TBC1D5: variants seen among roughly 807,000 people sequenced by gnomAD.
The protein encoded by TBC1D5 is TBC1 domain family member 5.
A neutral mutation model predicts 100.3 loss-of-function variants in TBC1D5; 75 were observed. That is an observed-to-expected ratio of 0.75 (90% CI 0.62 to 0.91). The LOEUF (loss-of-function observed/expected upper bound fraction) is 0.91, where lower values mean the gene tolerates loss of function less well. TBC1D5 is among the 40% of genes least tolerant of loss of function. The probability of loss-of-function intolerance (pLI) is 0.00; values close to 1 mark genes in which losing one functional copy is unlikely to be tolerated. For missense variants in TBC1D5, 910 were observed against 942.4 expected (o/e 0.97, Z 0.45); for synonymous variants, 323 against 325.6 (o/e 0.99, Z 0.09).
chr3:17,622,344 T>C (rs992598768), intron 2 of TBC1D5, among the ~76,000 whole-genome samples: 5 of 152,172 alleles, frequency 3.3e-5, no homozygotes, highest in African/African-American at 1.2e-4. Flanking sequence ...ACCCCTGTTC[T>C]AAATGACTTC....
In TBC1D5 at chr3:17,350,392, C is replaced by G. The variant is rs573284582; in HGVS notation, c.995+21683G>C. 6.6e-5 allele frequency among the ~76,000 whole-genome samples: 10 copies of G among 152,300 alleles called. No individual in the cohort carries two copies. In the South Asian group the frequency reaches 2.1e-3, roughly 32 times the overall value. Reference sequence around the variant, plus strand: ...AAACATCAATCCCAAACAGCAGTCACCTCACCTAACAGCTTGAGCCAGAGT... The same window carrying G: ...AAACATCAATCCCAAACAGCAGTCAGCTCACCTAACAGCTTGAGCCAGAGT... On this transcript the variant is annotated intron_variant, in intron 13 of 21. Coordinates refer to ENST00000253692, the Ensembl canonical transcript of TBC1D5.
rs145526760 is a variant in TBC1D5, at chr3:17,201,341, G to A, written c.1752+12866C>T. On this transcript the variant is annotated intron_variant, in intron 18 of 21. Transcript: ENST00000253692. ...AGCGTGAGCTCGGTTTTAAGACCCT[G>A]GGTTGTCTCTTTCTCCCATGCTTCA... 4.5e-3 allele frequency among the ~76,000 whole-genome samples: 692 copies of A among 152,310 alleles called. 7 individuals are homozygous for A. Among genetic ancestry groups the A allele is most frequent in the African/African-American group, 0.016 (652 of 41,560 alleles).
intron 16 of TBC1D5, among the ~76,000 whole-genome samples, chr3:17,250,439 A>C (rs1246295756): frequency 1.3e-5 from 2 of 152,228 alleles, no homozygotes; most frequent in African/African-American, 4.8e-5. Flanking sequence ...AAGCATTTTC[A>C]ATGGCCTGTA....
At chr3:17,672,812 A>C (rs1018711006) in intron 1 of TBC1D5, 2 of 152,262 alleles carry the variant, frequency 1.3e-5, no homozygotes, top group Admixed American at 6.5e-5. Context: ...ATACAATGCT[A>C]TAAGAATTGA....
chr3:17,709,912 G>C (rs2074551915), intron 1 of TBC1D5, among the ~76,000 whole-genome samples: 1 of 152,048 alleles, frequency 6.6e-6, no homozygotes, highest in African/African-American at 2.4e-5. Context: ...CCTCTCACCT[G>C]CGGCACTACA....
intron 3 of TBC1D5, among the ~76,000 whole-genome samples, chr3:17,491,226 T>C (rs2095636000): frequency 6.6e-6 from 1 of 152,218 alleles, no homozygotes; most frequent in Non-Finnish European, 1.5e-5. Flanking sequence ...TGATGGGGTT[T>C]TCTAGATATA....
At chr3:17,702,636 T>C (rs1407871578) in intron 1 of TBC1D5, among the ~76,000 whole-genome samples, 2 of 152,120 alleles carry the variant, frequency 1.3e-5, no homozygotes. Context: ...GCATACATAG[T>C]AGATAAACTA....
At chr3:17,384,353 T>A (rs1260786010) in intron 8 of TBC1D5, among the ~76,000 whole-genome samples, 2 of 152,066 alleles carry the variant, frequency 1.3e-5, no homozygotes, top group African/African-American at 4.8e-5. Context: ...GTTTTTAGGA[T>A]AAGAATGTGA....
At chr3:17,558,994 C>G (rs1042254689) in intron 2 of TBC1D5, among the ~76,000 whole-genome samples, 13 of 152,092 alleles carry the variant, frequency 8.5e-5, no homozygotes, top group African/African-American at 3.1e-4. Flanking sequence ...AGCCTTCAAT[C>G]ACAAAATAGA....
chr3:17,372,394 T>C, intron 12 of TBC1D5, 147 bp from the exon 13 acceptor site: 1 of 646,494 alleles, frequency 1.5e-6, no homozygotes. Context: ...CACCATGAAA[T>C]AATTAAAATA....
At chr3:17,350,523 C>T (rs1242481210) in intron 13 of TBC1D5, among the ~76,000 whole-genome samples, 1 of 152,142 alleles carries the variant, frequency 6.6e-6, no homozygotes, top group African/African-American at 2.4e-5. Context: ...GTACTACCTG[C>T]ATGTAATGAT....
At chr3:17,376,986 A>G (rs1242803521) in intron 9 of TBC1D5, among the ~76,000 whole-genome samples, 1 of 152,252 alleles carries the variant, frequency 6.6e-6, no homozygotes, top group Middle Eastern at 3.4e-3. Flanking sequence ...ATCTGCAGTA[A>G]GAAGGGCAAC....
intron 2 of TBC1D5, among the ~76,000 whole-genome samples, chr3:17,548,473 G>A (rs183963595): frequency 9.8e-4 from 149 of 152,140 alleles, no homozygotes; most frequent in African/African-American, 3.4e-3. Context: ...GAAAAATACA[G>A]GGCGGGGGAA....
intron 1 of TBC1D5, among the ~76,000 whole-genome samples, chr3:17,697,790 G>A (rs1363966741): frequency 1.0e-4 from 15 of 148,810 alleles, no homozygotes; most frequent in African/African-American, 7.5e-5. Flanking sequence ...CAGAACCCGC[G>A]TTGCCAAGAC....
intron 3 of TBC1D5, among the ~76,000 whole-genome samples, chr3:17,482,651 C>T (rs1032841171): frequency 6.6e-6 from 1 of 152,004 alleles, no homozygotes; most frequent in Non-Finnish European, 1.5e-5. Flanking sequence ...TATTTGCAAA[C>T]AAAATAAAAG....
At chr3:17,344,234 C>T (rs1454042379) in intron 13 of TBC1D5, among the ~76,000 whole-genome samples, 2 of 151,968 alleles carry the variant, frequency 1.3e-5, no homozygotes, top group Non-Finnish European at 1.5e-5. Flanking sequence ...GATACAAAAT[C>T]AATGTACAAA....
At chr3:17,285,058 G>GT (rs933512271) in intron 15 of TBC1D5, among the ~76,000 whole-genome samples, 9 of 147,534 alleles carry the variant, frequency 6.1e-5, no homozygotes, top group East Asian at 3.9e-4. Context: ...AGTTTTGGGA[G>GT]TAAAAAAAAA....
intron 3 of TBC1D5, among the ~76,000 whole-genome samples, chr3:17,469,059 C>T (rs1287526418): frequency 6.6e-6 from 1 of 152,098 alleles, no homozygotes; most frequent in Non-Finnish European, 1.5e-5. Context: ...TGGAGTCTCC[C>T]TGGATATGTG....
chr3:17,472,965 A>C (rs1247445712), intron 3 of TBC1D5, among the ~76,000 whole-genome samples: 1 of 152,230 alleles, frequency 6.6e-6, no homozygotes, highest in Non-Finnish European at 1.5e-5. Flanking sequence ...TCTTAGTTGA[A>C]CCATGCAATC....
Sources: gnomAD v4.1 joint callset for allele counts (sites outside exome capture counted in the v4.1 genomes callset) on GRCh38, gnomAD v4.1.1 for gene constraint, MANE v1.5 for transcripts, NCBI Gene and HGNC (gene_info 2026-07-23, HGNC 2026-07-21) for gene names.